The following CTNNA3 variants were observed in gnomAD, a reference collection of about 807,000 sequenced individuals.
CTNNA3 encodes the protein catenin alpha 3.
A neutral mutation model predicts 95.7 loss-of-function variants in CTNNA3; 76 were observed. The observed-to-expected ratio is 0.79, with a 90% CI of 0.66 to 0.96. The LOEUF (loss-of-function observed/expected upper bound fraction) is 0.96. CTNNA3 is among the 40% of genes least tolerant of loss of function. CTNNA3 has a pLI of 0.00. For synonymous variants in CTNNA3, 431 were observed against 374.4 expected (o/e 1.15, Z -1.74); for missense variants, 1,191 against 1,089.8 (o/e 1.09, Z -1.31).
intron 7 of CTNNA3, among the ~76,000 whole-genome samples, chr10:67,172,043 A>G (rs1297148242): frequency 6.6e-6 from 1 of 152,166 alleles, no homozygotes; most frequent in Admixed American, 6.6e-5. Context: ...TATATTTCCT[A>G]CAACAAACAA....
At chr10:66,810,116 G>A (rs544671753) in intron 7 of CTNNA3, among the ~76,000 whole-genome samples, 5 of 152,144 alleles carry the variant, frequency 3.3e-5, no homozygotes, top group African/African-American at 1.2e-4. Context: ...TCATGTCTCT[G>A]TTTCTACAAT....
intron 11 of CTNNA3, among the ~76,000 whole-genome samples, chr10:66,390,673 A>G (rs1203493831): frequency 6.6e-6 from 1 of 152,182 alleles, no homozygotes; most frequent in Non-Finnish European, 1.5e-5. Flanking sequence ...CCATTTACCC[A>G]ACATACATGA....
intron 7 of CTNNA3, among the ~76,000 whole-genome samples, chr10:66,889,381 G>C (rs1455997313): frequency 6.6e-6 from 1 of 152,176 alleles, no homozygotes; most frequent in Non-Finnish European, 1.5e-5. Context: ...TGGGCTCTGG[G>C]TGATATGTCA....
At chr10:66,612,405 A>G (rs980654339) in intron 10 of CTNNA3, among the ~76,000 whole-genome samples, 8 of 152,122 alleles carry the variant, frequency 5.3e-5, no homozygotes, top group Admixed American at 4.6e-4. Context: ...AACCAAATCT[A>G]TGAAACTGAT....
At chr10:66,967,183 G>T (rs1849470424) in intron 7 of CTNNA3, among the ~76,000 whole-genome samples, 1 of 151,892 alleles carries the variant, frequency 6.6e-6, no homozygotes, top group Non-Finnish European at 1.5e-5. Context: ...TTTCTTATGT[G>T]TACAAGCACA....
intron 9 of CTNNA3, among the ~76,000 whole-genome samples, chr10:66,757,540 G>C (rs117946773): frequency 0.025 from 3,737 of 152,280 alleles, 65 homozygotes; most frequent in Non-Finnish European, 0.037. Context: ...TTACTTAAGA[G>C]TTAGAAAGAA....
chr10:66,607,373 C>G (rs1844162855), intron 10 of CTNNA3, among the ~76,000 whole-genome samples: 1 of 150,420 alleles, frequency 6.6e-6, no homozygotes, highest in Non-Finnish European at 1.5e-5. Flanking sequence ...TGGTATCATT[C>G]CTCCTGAAAC....
intron 7 of CTNNA3, among the ~76,000 whole-genome samples, chr10:66,955,781 T>C (rs1223124101): frequency 6.6e-6 from 1 of 152,168 alleles, no homozygotes. Flanking sequence ...TCATTGATGG[T>C]ATAAACATTA....
intron 5 of CTNNA3, among the ~76,000 whole-genome samples, chr10:67,492,089 A>G (rs973035673): frequency 2.6e-5 from 4 of 152,100 alleles, no homozygotes; most frequent in Admixed American, 6.6e-5. Flanking sequence ...CCGTGGGTGT[A>G]TATGATTTTA....
intron 7 of CTNNA3, among the ~76,000 whole-genome samples, chr10:66,854,418 C>T (rs966434322): frequency 6.6e-6 from 1 of 151,890 alleles, no homozygotes; most frequent in Admixed American, 6.6e-5. Flanking sequence ...ATGAATCAGA[C>T]ATAACTATGA....
At chr10:67,549,295 C>T (rs970742813) in intron 3 of CTNNA3, among the ~76,000 whole-genome samples, 4 of 152,068 alleles carry the variant, frequency 2.6e-5, no homozygotes, top group African/African-American at 4.8e-5. Flanking sequence ...AACTTCTCTC[C>T]TTGGGGGGAA....
At chr10:67,090,184 CT>C (rs1857546753) in intron 7 of CTNNA3, among the ~76,000 whole-genome samples, 1 of 152,042 alleles carries the variant, frequency 6.6e-6, no homozygotes. Flanking sequence ...CTGTCCCCAT[CT>C]TGAGTGTTTT....
chr10:65,962,948 G>A (rs886158214), intron 17 of CTNNA3, among the ~76,000 whole-genome samples: 4 of 152,090 alleles, frequency 2.6e-5, no homozygotes, highest in African/African-American at 7.2e-5. Context: ...TCTTAATCCA[G>A]TCTATCATTG....
intron 16 of CTNNA3, among the ~76,000 whole-genome samples, chr10:65,969,667 G>C (rs758241782): frequency 3.9e-5 from 6 of 152,102 alleles, no homozygotes; most frequent in African/African-American, 1.2e-4. Context: ...GTAGAGGAAA[G>C]AATTTCAGAT....
chr10:67,748,115 G>A (rs193188378), intron 1 of CTNNA3, among the ~76,000 whole-genome samples: 58 of 152,164 alleles, frequency 3.8e-4, no homozygotes, highest in Middle Eastern at 3.4e-3. Flanking sequence ...TAAAAAGATC[G>A]AACCTATGAT....
In CTNNA3 at chr10:66,175,362, T is replaced by C. The variant is rs1435064216; in HGVS notation, c.1885-72113A>G. On this transcript the variant is annotated intron_variant, in intron 13 of 17. Transcript: ENST00000433211. ...ACTATGAATAGAATAGGTATAGAAG[T>C]AGAATGTGCAACTTCCGTTACTATA... Among the ~76,000 whole-genome samples the C allele has an allele frequency of 3.9e-5, 6 of 152,140 alleles. No homozygotes were observed. In the South Asian group the frequency reaches 8.3e-4, roughly 21 times the overall value.
chr10:65,972,898 A>AAG (rs2078134709), intron 16 of CTNNA3, among the ~76,000 whole-genome samples: 1 of 20,748 alleles, frequency 4.8e-5, no homozygotes, highest in Non-Finnish European at 1.5e-4. Flanking sequence ...AAGCAATCCT[A>AAG]AGGGGGAAAA....
At chr10:66,084,154 A>AAAAAAAAAAAAAAAAAAAAAAG (rs1564627073) in intron 14 of CTNNA3, among the ~76,000 whole-genome samples, 1 of 141,398 alleles carries the variant, frequency 7.1e-6, no homozygotes, top group African/African-American at 2.5e-5. Context: ...AAAAGAAAAA[A>AAAAAAAAAAAAAAAAAAAAAAG]AAAGAAAAAG....
intron 3 of CTNNA3, among the ~76,000 whole-genome samples, chr10:67,559,209 C>T (rs867530041): frequency 1.3e-5 from 2 of 152,242 alleles, no homozygotes; most frequent in African/African-American, 4.8e-5. Context: ...TGACTCCTCA[C>T]CCCCGAGCAG....
Sources: allele counts gnomAD v4.1 joint callset (sites outside exome capture counted in the v4.1 genomes callset), GRCh38; gene constraint gnomAD v4.1.1; transcripts MANE v1.5; gene names NCBI Gene and HGNC (gene_info 2026-07-23, HGNC 2026-07-21).